The following BBX variants were observed in gnomAD, a reference collection of about 807,000 sequenced individuals.
The protein encoded by BBX is HMG box transcription factor BBX.
A neutral mutation model predicts 100.2 loss-of-function variants in BBX; 30 were observed. The observed-to-expected ratio is 0.30, with a 90% CI of 0.22 to 0.41. BBX has a LOEUF of 0.41. Among genes scored for constraint, BBX ranks in the 10% least tolerant of loss-of-function variants. BBX has a pLI of 1.00. For missense variants in BBX, 1,023 were observed against 1,129.8 expected, an observed-to-expected ratio of 0.91 and a Z score of 1.35; for synonymous variants, 376 against 388.1, an observed-to-expected ratio of 0.97 and a Z score of 0.37.
At chr3:107,658,524 C>G (rs574311177) in intron 3 of BBX, among the ~76,000 whole-genome samples, 199 of 152,222 alleles carry the variant, frequency 1.3e-3, no homozygotes, top group African/African-American at 4.6e-3. Flanking sequence ...TAATAAAGAT[C>G]CTTTAGAAAG....
At chr3:107,543,603 G>A (rs1413565826) in intron 2 of BBX, among the ~76,000 whole-genome samples, 1 of 152,180 alleles carries the variant, frequency 6.6e-6, no homozygotes, top group African/African-American at 2.4e-5. Flanking sequence ...TTAGTTCCCT[G>A]TGTCCTGTGA....
rs569427270 is a variant in BBX at position 107,713,967 on chromosome 3, C to CTTTTTTTT, written c.163-2621_163-2614dup. Among the ~76,000 whole-genome samples the CTTTTTTTT allele has an allele frequency of 8.9e-4, 73 of 82,316 alleles. 1 individual carries two copies. Among genetic ancestry groups the CTTTTTTTT allele is most frequent in the Non-Finnish European group, 1.2e-3 (46 of 38,710 alleles). 54.0% of individuals were successfully genotyped at this position (82,316 alleles called of 152,430 possible). A position where few individuals can be genotyped will look rare whatever the true frequency, so the allele number is the denominator to read the frequency against. On this transcript the variant is annotated intron_variant, in intron 4 of 17. Transcript: ENST00000325805. ...TTTTAATTTTTTTAATAATTTTTTT[C>CTTTTTTTT]TTTTTTTTTTTTTTTTTTTTTTTTT... is the stretch of plus-strand genomic sequence containing the variant.
At chr3:107,710,787 T>C (rs573403361) in intron 4 of BBX, among the ~76,000 whole-genome samples, 165 bp downstream of exon 4, 88 of 152,236 alleles carry the variant, frequency 5.8e-4, no homozygotes, top group African/African-American at 2.1e-3. Flanking sequence ...TCTTGATTGC[T>C]CTTAAAGTAT....
intron 17 of BBX, among the ~76,000 whole-genome samples, chr3:107,804,681 G>A (rs1251582406): frequency 6.6e-6 from 1 of 152,138 alleles, no homozygotes; most frequent in African/African-American, 2.4e-5. Context: ...CCCTCCATGT[G>A]TATTGATTTT....
intron 10 of BBX, among the ~76,000 whole-genome samples, chr3:107,765,676 CAG>C (rs1016644131): frequency 6.6e-6 from 1 of 152,172 alleles, no homozygotes; most frequent in African/African-American, 2.4e-5. Context: ...CTACACAAAA[CAG>C]TGACCACCGA....
chr3:107,584,852 C>T (rs1381020512), intron 2 of BBX, among the ~76,000 whole-genome samples: 3 of 151,368 alleles, frequency 2.0e-5, no homozygotes, highest in African/African-American at 4.9e-5. Context: ...CAACCACACC[C>T]AGTGGTTTTA....
At chr3:107,616,065 A>ATTTTTTTTTTTTTTT (rs1294912799) in intron 2 of BBX, among the ~76,000 whole-genome samples, 1 of 49,704 alleles carries the variant, frequency 2.0e-5, no homozygotes, top group Non-Finnish European at 3.6e-5. Flanking sequence ...GTTGTTTAAA[A>ATTTTTTTTTTTTTTT]TTTTTTTTAA....
chr3:107,662,071 C>T (rs1393128539), intron 3 of BBX: 1 of 199,752 alleles, frequency 5.0e-6, no homozygotes, highest in East Asian at 1.9e-4. Flanking sequence ...GTCAGTGGTT[C>T]TTGCAGGCTA....
intron 3 of BBX, among the ~76,000 whole-genome samples, 199 bp from the exon 4 acceptor site, chr3:107,710,253 A>T (rs1412879374): frequency 1.3e-5 from 2 of 152,248 alleles, no homozygotes; most frequent in Non-Finnish European, 2.9e-5. Context: ...TGAATGTTTC[A>T]TTATGTATTT....
intron 2 of BBX, among the ~76,000 whole-genome samples, chr3:107,616,257 C>T (rs1464684629): frequency 1.3e-5 from 2 of 151,312 alleles, no homozygotes; most frequent in African/African-American, 2.4e-5. Flanking sequence ...TTTTTGAATT[C>T]GGTATGCTCA....
rs1036914494 is a variant in BBX at position 107,757,857 on chromosome 3, T to C, written c.906+2179T>C. Among the ~76,000 whole-genome samples, 6 of 152,320 alleles carry C rather than the reference T, an allele frequency of 3.9e-5. No homozygotes were observed. The East Asian group carries it at 9.6e-4, about 24-fold the overall frequency. ...CTATTGCCTAGAATTGGTGATGGTG[T>C]CTGCAATTTGAAGACACAACCTTAA... On this transcript the variant is annotated intron_variant, in intron 10 of 17. Coordinates refer to ENST00000325805, the MANE Select transcript of BBX (RefSeq NM_001142568.3).
intron 2 of BBX, among the ~76,000 whole-genome samples, chr3:107,582,300 T>G (rs2052345030): frequency 6.6e-6 from 1 of 152,028 alleles, no homozygotes; most frequent in African/African-American, 2.4e-5. Context: ...GCTTTTTTTT[T>G]TTAAACACAT....
rs144301503 is a variant in BBX, at chr3:107,727,086, T to A, written c.406-1679T>A. On this transcript the variant is annotated intron_variant, in intron 5 of 17. Transcript: ENST00000325805. The stretch of plus-strand genomic sequence containing the variant: ...ATTATGACTTTCTTCTTAAAAATTT[T>A]AAACTACCCCCCCCAAAAAAAATAG... Among the ~76,000 whole-genome samples, 418 of 151,462 alleles carry A rather than the reference T, an allele frequency of 2.8e-3. 2 individuals carry two copies. The highest frequency in any genetic ancestry group is 8.9e-3 in the African/African-American group (370 of 41,522).
chr3:107,574,509 A>C (rs1426910448), intron 2 of BBX, among the ~76,000 whole-genome samples: 1 of 152,194 alleles, frequency 6.6e-6, no homozygotes, highest in Non-Finnish European at 1.5e-5. Flanking sequence ...TGTTATTTAT[A>C]TTTTGGTACT....
rs528383516 is a variant in BBX at position 107,680,196 on chromosome 3, G to A, written c.-9-30256G>A. Among the ~76,000 whole-genome samples, 17 of 152,258 alleles carry A rather than the reference G, an allele frequency of 1.1e-4. 1 individual carries two copies. Among genetic ancestry groups the A allele is most frequent in the Admixed American group, 9.8e-4 (15 of 15,282 alleles). On this transcript the variant is annotated intron_variant, in intron 3 of 17. Transcript: ENST00000325805. ...CTTACTGGCCACATGGGGCTTTTTGGTTCTTAGGAATGTCTGGAAAAGCTC... is the reference window on the plus strand; with the variant it reads ...CTTACTGGCCACATGGGGCTTTTTGATTCTTAGGAATGTCTGGAAAAGCTC...
chr3:107,665,316 A>T (rs1044009953), intron 3 of BBX, among the ~76,000 whole-genome samples: 1 of 152,180 alleles, frequency 6.6e-6, no homozygotes, highest in East Asian at 1.9e-4. Context: ...GCTTTATTAA[A>T]CCATAGCCAG....
intron 2 of BBX, among the ~76,000 whole-genome samples, chr3:107,535,906 T>G (rs1389650196): frequency 3.9e-5 from 6 of 152,252 alleles, no homozygotes; most frequent in African/African-American, 7.2e-5. Flanking sequence ...GCCTGTACTT[T>G]GTACTTTTAA....
chr3:107,644,949 T>G (rs1028505293), intron 2 of BBX, among the ~76,000 whole-genome samples: 1 of 152,146 alleles, frequency 6.6e-6, no homozygotes, highest in Non-Finnish European at 1.5e-5. Flanking sequence ...AAAAAAAAAC[T>G]TAAGCTAAGC....
intron 2 of BBX, among the ~76,000 whole-genome samples, chr3:107,640,439 T>A (rs1482051855): frequency 6.6e-6 from 1 of 152,212 alleles, no homozygotes; most frequent in African/African-American, 2.4e-5. Flanking sequence ...ATCCTGTCTG[T>A]CTGTATTCCC....
Sources: allele counts gnomAD v4.1 joint callset (sites outside exome capture counted in the v4.1 genomes callset), GRCh38; gene constraint gnomAD v4.1.1; transcripts MANE v1.5; gene names NCBI Gene and HGNC (gene_info 2026-07-23, HGNC 2026-07-21).